LGSN: variants seen among roughly 807,000 people sequenced by gnomAD.
LGSN encodes the protein lengsin, lens protein with glutamine synthetase domain.
LGSN carries 21 observed loss-of-function variants against 19.5 expected under a neutral mutation model. The observed-to-expected ratio is 1.07, with a 90% CI of 0.76 to 1.55. LGSN has a LOEUF of 1.55. Among genes scored for constraint, LGSN ranks in the 40% most tolerant of loss-of-function variants. LGSN has a pLI of 0.00. For missense variants in LGSN, 673 were observed against 608.5 expected, an observed-to-expected ratio of 1.11 and a Z score of -1.12; for synonymous variants, 257 against 215.6, an observed-to-expected ratio of 1.19 and a Z score of -1.68.
chr6:63,490,199 T>C, the LGSN span, among the ~76,000 whole-genome samples: 1 of 152,236 alleles, frequency 6.6e-6, no homozygotes, highest in Admixed American at 6.5e-5. Context: ...ACACTGCCTC[T>C]GTCCTTCTTC....
the LGSN span, among the ~76,000 whole-genome samples, chr6:63,446,248 A>AC: frequency 6.6e-6 from 1 of 150,492 alleles, no homozygotes; most frequent in Non-Finnish European, 1.5e-5. Flanking sequence ...TGTCTCAAAA[A>AC]AAAAAAAAAA....
intron 1 of LGSN, among the ~76,000 whole-genome samples, chr6:63,309,967 C>A (rs1193249224): frequency 1.3e-5 from 2 of 152,052 alleles, no homozygotes; most frequent in Middle Eastern, 3.2e-3. Flanking sequence ...CTGAAAATAC[C>A]TCCACAATTC....
the LGSN span, among the ~76,000 whole-genome samples, chr6:63,521,346 A>G: frequency 1.3e-5 from 2 of 152,360 alleles, no homozygotes; most frequent in East Asian, 3.9e-4. Flanking sequence ...AGTCAACATC[A>G]TTGTTTAAAA....
At chr6:63,331,056 AG>A in the LGSN span, among the ~76,000 whole-genome samples, 1 of 152,136 alleles carries the variant, frequency 6.6e-6, no homozygotes, top group Non-Finnish European at 1.5e-5. Flanking sequence ...TACAGCTTAA[AG>A]GGGACATAAC....
At chr6:63,378,481 G>A in the LGSN span, among the ~76,000 whole-genome samples, 1 of 152,116 alleles carries the variant, frequency 6.6e-6, no homozygotes, top group Non-Finnish European at 1.5e-5. Flanking sequence ...CTCTATTTGT[G>A]TTGCTATGAA....
At chr6:63,412,494 GAAAGAAAGAAAGAAA>G in the LGSN span, among the ~76,000 whole-genome samples, 4 of 81,552 alleles carry the variant, frequency 4.9e-5, no homozygotes, top group African/African-American at 2.6e-4. Context: ...AAGAAAGAAA[GAAAGAAAGAAAGAAA>G]GAAAGAAAGA....
chr6:63,541,265 T>C, the LGSN span, among the ~76,000 whole-genome samples: 38 of 152,152 alleles, frequency 2.5e-4, no homozygotes, highest in African/African-American at 9.2e-4. Flanking sequence ...GCCAGGTATC[T>C]TAGCTAGATT....
the LGSN span, among the ~76,000 whole-genome samples, chr6:63,503,426 G>C: frequency 6.6e-6 from 1 of 152,192 alleles, no homozygotes; most frequent in South Asian, 2.1e-4. Context: ...TCCAGGATCT[G>C]GAGATCACAA....
chr6:63,373,043 C>A, the LGSN span, among the ~76,000 whole-genome samples: 364 of 152,256 alleles, frequency 2.4e-3, no homozygotes, highest in African/African-American at 8.1e-3. Flanking sequence ...ACTGGTGACA[C>A]AGCATTTCAT....
At chr6:63,456,339 T>G in the LGSN span, among the ~76,000 whole-genome samples, 1 of 114,160 alleles carries the variant, frequency 8.8e-6, no homozygotes, top group African/African-American at 3.5e-5. Flanking sequence ...ACCTCAAACT[T>G]GGCAGAAATA....
At chr6:63,361,750 G>T in the LGSN span, among the ~76,000 whole-genome samples, 19,819 of 152,034 alleles carry the variant, frequency 0.13, 2,860 homozygotes, top group African/African-American at 0.36. Flanking sequence ...TCGTCGCTCA[G>T]GCTGGGAGCT....
chr6:63,336,910 T>A, the LGSN span, among the ~76,000 whole-genome samples: 1 of 146,498 alleles, frequency 6.8e-6, no homozygotes, highest in African/African-American at 2.5e-5. Flanking sequence ...CCAAAAATTA[T>A]GACATTCCTT....
the LGSN span, among the ~76,000 whole-genome samples, chr6:63,487,356 G>A: frequency 4.6e-5 from 7 of 152,310 alleles, no homozygotes; most frequent in Non-Finnish European, 1.0e-4. Flanking sequence ...TCTCCAAGGA[G>A]GGAGGGAAAC....
chr6:63,493,981 G>T, the LGSN span, among the ~76,000 whole-genome samples: 5 of 131,446 alleles, frequency 3.8e-5, no homozygotes, highest in African/African-American at 1.2e-4. Context: ...ACGGAGTCTT[G>T]CTCTGTCGCC....
chr6:63,326,105 G>T, the LGSN span, among the ~76,000 whole-genome samples: 1 of 152,042 alleles, frequency 6.6e-6, no homozygotes, highest in Non-Finnish European at 1.5e-5. Context: ...CCACACAAAG[G>T]TTCTCCAAGG....
Position 63,280,996 on chromosome 6 carries a change from C to A in LGSN, c.555G>T (p.Arg185Ser). The A allele has an allele frequency of 1.2e-6, 2 of 1,614,046 alleles. No individual in the cohort carries two copies. The highest frequency in any genetic ancestry group is 1.7e-6 in the Non-Finnish European group (2 of 1,180,030). Residue 185 changes from arginine to serine, a missense_variant, in exon 4 of 4, where the codon AGG becomes AGT. Transcript: ENST00000370657. ...VTGEPLLTSP[R>S]YIAKRQLSHL... ...GGCTCAGCTGCCTCTTTGCAATGTACCTTGGGGAAGTCAAAAGAGGCTCAC... is the reference window on the plus strand; with the variant it reads ...GGCTCAGCTGCCTCTTTGCAATGTAACTTGGGGAAGTCAAAAGAGGCTCAC...
the LGSN span, among the ~76,000 whole-genome samples, chr6:63,467,659 T>G: frequency 6.6e-6 from 1 of 151,850 alleles, no homozygotes; most frequent in Non-Finnish European, 1.5e-5. Context: ...TCCTATTGGA[T>G]TAGGACTCTA....
chr6:63,478,635 C>T, the LGSN span, among the ~76,000 whole-genome samples: 1 of 152,164 alleles, frequency 6.6e-6, no homozygotes, highest in South Asian at 2.1e-4. Flanking sequence ...CCTCACCACC[C>T]CCATGTACGG....
the LGSN span, among the ~76,000 whole-genome samples, chr6:63,424,706 A>G: frequency 6.6e-6 from 1 of 152,194 alleles, no homozygotes; most frequent in Non-Finnish European, 1.5e-5. Flanking sequence ...TGAGGCCATG[A>G]GTTGAAGACC....
Sources: gnomAD v4.1 joint callset for allele counts (sites outside exome capture counted in the v4.1 genomes callset) on GRCh38, gnomAD v4.1.1 for gene constraint, MANE v1.5 for transcripts, NCBI Gene and HGNC (gene_info 2026-07-23, HGNC 2026-07-21) for gene names.